TNIK: variants seen among roughly 807,000 people sequenced by gnomAD.
TNIK encodes TRAF2 and NCK-interacting protein kinase.
TNIK carries 49 observed loss-of-function variants against 191.3 expected under a neutral mutation model. That is an observed-to-expected ratio of 0.26 (90% CI 0.20 to 0.32). The LOEUF is 0.32. TNIK is among the 10% of genes least tolerant of loss of function. The probability of loss-of-function intolerance (pLI) is 1.00; values close to 1 mark genes in which losing one functional copy is unlikely to be tolerated. For synonymous variants in TNIK, 594 were observed against 600.9 expected (o/e 0.99, Z 0.17); for missense variants, 1,155 against 1,702.3 (o/e 0.68, Z 5.66).
intron 2 of TNIK, among the ~76,000 whole-genome samples, chr3:171,348,120 T>C (rs1159709158): frequency 6.6e-6 from 1 of 152,158 alleles, no homozygotes; most frequent in Non-Finnish European, 1.5e-5. Flanking sequence ...ATTTCTTCTC[T>C]TGAGCACAAG....
In TNIK at chr3:171,101,524, C is replaced by T. The variant is rs1343039838; in HGVS notation, c.2516G>A (p.Ser839Asn). 1 of 1,613,594 alleles carries T rather than the reference C, an allele frequency of 6.2e-7. No individual in the cohort carries two copies. The highest frequency in any genetic ancestry group is 8.5e-7 in the Non-Finnish European group (1 of 1,179,622). Reference sequence around the variant, plus strand: ...CTCTCCATCTTCCTCCTCTTCCTCGCTACTTTCTGACTCCTCACTGGAGGA... The same window carrying T: ...CTCTCCATCTTCCTCCTCTTCCTCGTTACTTTCTGACTCCTCACTGGAGGA... Reference protein sequence around the residue: ...YSSSSEESESSEEEEEDGESE... With the variant: ...YSSSSEESESNEEEEEDGESE... Residue 839 changes from serine to asparagine, a missense_variant, in exon 22 of 33, where the codon AGC (serine) becomes AAC (asparagine). Coordinates refer to ENST00000436636, the MANE Select transcript of TNIK (RefSeq NM_015028.4).
At chr3:171,331,415 G>T (rs911311082) in intron 2 of TNIK, among the ~76,000 whole-genome samples, 1 of 152,158 alleles carries the variant, frequency 6.6e-6, no homozygotes, top group Non-Finnish European at 1.5e-5. Context: ...CAGTTTTGGC[G>T]AGTTGATCAG....
intron 1 of TNIK, among the ~76,000 whole-genome samples, chr3:171,393,427 C>G (rs1367395952): frequency 1.3e-5 from 2 of 152,194 alleles, no homozygotes; most frequent in Admixed American, 1.3e-4. Flanking sequence ...AAAAGTGCCC[C>G]CAAGGGCAGA....
chr3:171,422,699 T>A (rs551268067), intron 1 of TNIK, among the ~76,000 whole-genome samples: 1 of 152,352 alleles, frequency 6.6e-6, no homozygotes, highest in South Asian at 2.1e-4. Flanking sequence ...GCCTTGACCC[T>A]TGAAGAGCTC....
At chr3:171,268,219 T>C (rs896712641) in intron 2 of TNIK, among the ~76,000 whole-genome samples, 2 of 152,216 alleles carry the variant, frequency 1.3e-5, no homozygotes, top group Non-Finnish European at 2.9e-5. Flanking sequence ...CCTCGACTTT[T>C]GGACTTCCGT....
At chr3:171,222,981 T>G (rs1434352012) in intron 3 of TNIK, among the ~76,000 whole-genome samples, 1 of 152,168 alleles carries the variant, frequency 6.6e-6, no homozygotes, top group Non-Finnish European at 1.5e-5. Flanking sequence ...TATTGGGTTT[T>G]TCTCTAAGTC....
intron 1 of TNIK, among the ~76,000 whole-genome samples, chr3:171,402,643 T>C (rs1488001514): frequency 6.6e-6 from 1 of 152,208 alleles, no homozygotes. Context: ...GACTAAAAGA[T>C]ACCCTTCCTC....
intron 3 of TNIK, among the ~76,000 whole-genome samples, chr3:171,218,861 A>AATATAAAT (rs10662319): frequency 0.58 from 76,471 of 132,168 alleles, 23,883 homozygotes; most frequent in African/African-American, 0.82. Context: ...ACATATATTT[A>AATATAAAT]ATATAAATAT....
intron 21 of TNIK, among the ~76,000 whole-genome samples, chr3:171,104,440 A>G (rs1009472553): frequency 6.6e-6 from 1 of 152,186 alleles, no homozygotes; most frequent in African/African-American, 2.4e-5. Flanking sequence ...AATAAGTGCT[A>G]TTTAGCATGA....
chr3:171,108,900 A>G (rs1211236321), intron 19 of TNIK, among the ~76,000 whole-genome samples: 1 of 152,180 alleles, frequency 6.6e-6, no homozygotes, highest in African/African-American at 2.4e-5. Context: ...TTTGCAGTCT[A>G]TGAGCTTACA....
chr3:171,066,102 C>T, intron 32 of TNIK, 85 bp downstream of exon 32: 2 of 1,525,572 alleles, frequency 1.3e-6, no homozygotes, highest in Non-Finnish European at 1.8e-6. Flanking sequence ...TGATTCAAAT[C>T]AGTATAAAGG....
At position 171,090,427 on chromosome 3, in the gene TNIK, CT is replaced by C. The variant is rs375076101; in HGVS notation, c.2722-2922del. 3.6e-3 allele frequency among the ~76,000 whole-genome samples: 510 copies of C among 140,236 alleles called. 1 individual carries two copies. The highest frequency in any genetic ancestry group is 5.8e-3 in the Admixed American group (81 of 14,086). 92.0% of individuals were successfully genotyped at this position (140,236 alleles called of 152,430 possible). A position where few individuals can be genotyped will look rare whatever the true frequency, so the allele number is the denominator to read the frequency against. On this transcript the variant is annotated intron_variant, in intron 23 of 32. Transcript: ENST00000436636. The stretch of plus-strand genomic sequence containing the variant: ...TTTTTTTTCTTTCTTTTCTTTCTTT[CT>C]TTTTTTTTTTTTTGCTTACTCTGTA...
At chr3:171,275,897 A>AAAATAAATAAAT (rs71176599) in intron 2 of TNIK, among the ~76,000 whole-genome samples, 112 of 150,156 alleles carry the variant, frequency 7.5e-4, no homozygotes, top group African/African-American at 2.7e-3. Context: ...ACTCCGTCTC[A>AAAATAAATAAAT]AAATAAATAA....
At chr3:171,122,106 T>C (rs534793460) in intron 18 of TNIK, among the ~76,000 whole-genome samples, 2 of 152,356 alleles carry the variant, frequency 1.3e-5, no homozygotes, top group East Asian at 1.9e-4. Context: ...GTCACTAAAA[T>C]AGCACTTCAG....
intron 2 of TNIK, among the ~76,000 whole-genome samples, chr3:171,332,479 T>C (rs1365638850): frequency 1.3e-5 from 2 of 152,208 alleles, no homozygotes; most frequent in Admixed American, 6.5e-5. Context: ...CAGCTCGCAG[T>C]GCCACCATTT....
intron 2 of TNIK, among the ~76,000 whole-genome samples, chr3:171,275,619 A>G (rs1280166624): frequency 6.6e-6 from 1 of 152,174 alleles, no homozygotes; most frequent in African/African-American, 2.4e-5. Context: ...ATGTGTTTCC[A>G]TATAAAAAGA....
Position 171,418,059 on chromosome 3 carries a change from G to C in TNIK, c.57+41948C>G, listed in dbSNP as rs190836298. 1.8e-3 allele frequency among the ~76,000 whole-genome samples: 272 copies of C among 152,294 alleles called. 1 individual carries two copies. Among genetic ancestry groups the C allele is most frequent in the Non-Finnish European group, 2.8e-3 (189 of 68,034 alleles). ...CCAGCTGTACAATCCTGGGAAGTGA[G>C]TCAGTCTCTGAACTTTGATTTCCTC... is the stretch of plus-strand genomic sequence containing the variant. On this transcript the variant is annotated intron_variant, in intron 1 of 32. Coordinates refer to ENST00000436636, the MANE Select transcript of TNIK (RefSeq NM_015028.4).
intron 2 of TNIK, among the ~76,000 whole-genome samples, chr3:171,314,757 A>G (rs1037915987): frequency 6.6e-6 from 1 of 152,122 alleles, no homozygotes; most frequent in Admixed American, 6.6e-5. Context: ...GAGAGTTATG[A>G]GGCTTGAGGG....
intron 15 of TNIK, among the ~76,000 whole-genome samples, chr3:171,134,023 AT>A (rs968309948): frequency 7.3e-5 from 11 of 150,446 alleles, no homozygotes; most frequent in Admixed American, 4.6e-4. Context: ...CTTTGGTACA[AT>A]TTTTTTTTTA....
Sources: gnomAD v4.1 joint callset for allele counts (sites outside exome capture counted in the v4.1 genomes callset) on GRCh38, gnomAD v4.1.1 for gene constraint, MANE v1.5 for transcripts, NCBI Gene and HGNC (gene_info 2026-07-23, HGNC 2026-07-21) for gene names.